Variants in FAH observed in about 807,000 individuals in gnomAD.
FAH encodes the protein fumarylacetoacetase.
A neutral mutation model predicts 55.8 loss-of-function variants in FAH; 47 were observed. That is an observed-to-expected ratio of 0.84 (90% CI 0.67 to 1.07). The LOEUF is 1.07. Among genes scored for constraint, FAH ranks in the 50% least tolerant of loss-of-function variants. The pLI is 0.00. For missense variants in FAH, 495 were observed against 545.9 expected (o/e 0.91, Z 0.93); for synonymous variants, 199 against 207.7 (o/e 0.96, Z 0.36).
In FAH at chr15:80,175,019, C is replaced by A. The variant is rs199820704; in HGVS notation, c.841C>A (p.Pro281Thr). Residue 281 changes from proline (P) to threonine (T), a missense_variant, in exon 10 of 14, where the codon CCC becomes ACC. Transcript: ENST00000561421. ...GTGCTGTGCTTTGCCCTCTCAGGACCCCAGGCCCCTGCCGTATCTGTGCCA... is the reference window on the plus strand; with the variant it reads ...GTGCTGTGCTTTGCCCTCTCAGGACACCAGGCCCCTGCCGTATCTGTGCCA... The part of the protein sequence containing the change: ...PFAVPNPKQD[P>T]RPLPYLCHDE... The A allele has an allele frequency of 9.3e-5, 150 of 1,613,976 alleles. 1 individual carries two copies. In the Middle Eastern group the frequency reaches 2.3e-3, roughly 25 times the overall value.
At chr15:80,159,520 C>A (rs1337192918) in intron 2 of FAH, among the ~76,000 whole-genome samples, 9 of 152,216 alleles carry the variant, frequency 5.9e-5, no homozygotes, top group Admixed American at 5.9e-4. Flanking sequence ...GGTAGCAACT[C>A]CTGGGCTTGG....
intron 5 of FAH, chr15:80,167,091 T>C (rs967396206): frequency 1.3e-5 from 2 of 152,156 alleles, no homozygotes; most frequent in Non-Finnish European, 2.9e-5. Flanking sequence ...TAGCCTTTGT[T>C]TGTACATTTA....
intron 10 of FAH, among the ~76,000 whole-genome samples, chr15:80,176,068 A>G (rs955221162): frequency 6.7e-6 from 1 of 149,098 alleles, no homozygotes; most frequent in African/African-American, 2.5e-5. Context: ...CCCAGGCTGG[A>G]GTGCAATGGT....
chr15:80,167,085 CTTTG>C (rs1022540117), intron 5 of FAH: 10 of 151,770 alleles, frequency 6.6e-5, no homozygotes, highest in African/African-American at 2.4e-4. Flanking sequence ...CTGTAATAGC[CTTTG>C]TTTGTACATT....
At chr15:80,152,818 G>T, upstream of FAH, 1 of 504,238 alleles carries the variant, frequency 2.0e-6, no homozygotes, top group Non-Finnish European at 3.5e-6. Context: ...GACTGTGGAG[G>T]ACCTGGAGCT....
At position 80,153,011 on chromosome 15, in the gene FAH, C is replaced by T; in HGVS notation, c.-44C>T. The T allele has an allele frequency of 1.3e-6, 2 of 1,570,300 alleles. No homozygotes were observed. The highest frequency in any genetic ancestry group is 2.2e-5 in the East Asian group (1 of 44,652). On this transcript the variant is annotated 5_prime_UTR_variant, in exon 1 of 14. Coordinates refer to ENST00000561421, the MANE Select transcript of FAH (RefSeq NM_000137.4). ...AGCGGCCGAGTTCAGTCCTGCTCTC[C>T]GCACGCCACCTTAGGCCCGCAGCCG... is the stretch of plus-strand genomic sequence containing the variant.
At position 80,159,820 on chromosome 15, in the gene FAH, A is replaced by C. The variant is rs1190502772; in HGVS notation, c.257A>C (p.Gln86Pro). Residue 86 changes from glutamine (Q) to proline (P), a missense_variant, in exon 3 of 14, where the codon CAG becomes CCG. By Grantham distance (76) the Gln-to-Pro change is moderately conservative. Transcript: ENST00000561421. ...TGGAAGGAGGCGAGAGTGTTCTTGC[A>C]GAACTTGCTGTCTGTGAGCCAAGCC... The part of the protein sequence containing the change: ...AAWKEARVFL[Q>P]NLLSVSQARL... The C allele has an allele frequency of 1.2e-6, 2 of 1,614,240 alleles. No homozygotes were observed. The highest frequency in any genetic ancestry group is 1.7e-5 in the Admixed American group (1 of 60,028).
chr15:80,177,596 G>A lies in FAH; in HGVS notation c.960+13G>A, dbSNP rs1359363488. ...GTCCAATTTTAAGGTAAGCTTTGAC[G>A]CTGATCAGACTGCTTTTTAGAATTG... On this transcript the variant is annotated intron_variant, in intron 11 of 13. Coordinates refer to ENST00000561421, the MANE Select transcript of FAH (RefSeq NM_000137.4). The A allele has an allele frequency of 5.0e-6, 8 of 1,610,974 alleles. No homozygotes were observed. Among genetic ancestry groups the A allele is most frequent in the Admixed American group, 1.7e-5 (1 of 60,024 alleles).
chr15:80,185,339 A>G (rs185555188), intron 13 of FAH, among the ~76,000 whole-genome samples: 80 of 152,302 alleles, frequency 5.3e-4, no homozygotes, highest in African/African-American at 1.9e-3. Context: ...GGTGGGCACT[A>G]TCATAAGATC....
intron 7 of FAH, 156 bp downstream of exon 7, chr15:80,168,472 T>C: frequency 1.4e-6 from 1 of 695,856 alleles, no homozygotes; most frequent in Admixed American, 2.4e-5. Flanking sequence ...AGAAGGACAG[T>C]TGATCCTTAT....
chr15:80,154,908 G>T (rs1484488771), intron 1 of FAH, among the ~76,000 whole-genome samples: 1 of 152,148 alleles, frequency 6.6e-6, no homozygotes, highest in Non-Finnish European at 1.5e-5. Context: ...GTGTGGAGCT[G>T]GTTTTGCCGG....
intron 2 of FAH, 72 bp from the exon 3 acceptor site, chr15:80,159,684 C>G: frequency 1.3e-6 from 2 of 1,596,332 alleles, no homozygotes; most frequent in South Asian, 1.1e-5. Flanking sequence ...GCTGGCTGGC[C>G]TTCCATTGGA....
At chr15:80,170,558 C>T (rs539877597) in intron 7 of FAH, among the ~76,000 whole-genome samples, 23 of 152,310 alleles carry the variant, frequency 1.5e-4, no homozygotes, top group African/African-American at 2.4e-4. Flanking sequence ...TGTGAGACTG[C>T]GGGAGGAGGA....
intron 13 of FAH, among the ~76,000 whole-genome samples, chr15:80,181,512 G>T (rs1271084937): frequency 6.6e-6 from 1 of 152,190 alleles, no homozygotes; most frequent in East Asian, 1.9e-4. Flanking sequence ...AGCTGAGTTA[G>T]TGACTGAGGC....
In FAH at chr15:80,168,391, G is replaced by A. The variant is rs377691367; in HGVS notation, c.606+75G>A. 23 of 1,470,660 alleles carry A rather than the reference G, an allele frequency of 1.6e-5. No individual in the cohort carries two copies. In the African/African-American group the frequency reaches 1.8e-4, roughly 12 times the overall value. 91.1% of individuals were successfully genotyped at this position (1,470,660 alleles called of 1,614,324 possible). A position where few individuals can be genotyped will look rare whatever the true frequency, so the allele number is the denominator to read the frequency against. On this transcript the variant is annotated intron_variant, in intron 7 of 13. Coordinates refer to ENST00000561421, the MANE Select transcript of FAH (RefSeq NM_000137.4). ...GGAGAGCCCTTTGGGATGGCTCCCC[G>A]CACCATGAGCCGCCCACTCCCCTCC...
intron 13 of FAH, among the ~76,000 whole-genome samples, chr15:80,182,834 G>A (rs2041342069): frequency 1.3e-5 from 2 of 152,184 alleles, no homozygotes; most frequent in South Asian, 2.1e-4. Context: ...CTTTGGTCAC[G>A]GTTCTGTGGA....
In FAH at chr15:80,180,224, C is replaced by T. The variant is rs143326948; in HGVS notation, c.1061C>T (p.Pro354Leu). Residue 354 changes from proline to leucine, a missense_variant and splice_region_variant, in exon 12 of 14, where the codon CCG (proline) becomes CTG (leucine). Physicochemically the swap from Pro to Leu is moderately conservative, Grantham distance 98 (BLOSUM62 -3). Transcript: ENST00000561421. ...DLLASGTISGPEPENFGSMLE... is the reference protein window; with the variant it reads ...DLLASGTISGLEPENFGSMLE... ...CTGGCTTCTGGGACCATCAGCGGGC[C>T]GGTGAGTATCTGGCTGCACTGAGGG... is the stretch of plus-strand genomic sequence containing the variant. The T allele has an allele frequency of 2.7e-5, 43 of 1,604,366 alleles. No individual in the cohort carries two copies. Among genetic ancestry groups the T allele is most frequent in the South Asian group, 7.7e-5 (7 of 91,060 alleles).
chr15:80,158,861 G>A lies in FAH; in HGVS notation c.192+691G>A, dbSNP rs190914349. 9.2e-5 allele frequency among the ~76,000 whole-genome samples: 14 copies of A among 152,284 alleles called. 1 individual carries two copies. In the South Asian group the frequency reaches 1.0e-3, roughly 11 times the overall value. On this transcript the variant is annotated intron_variant, in intron 2 of 13. Transcript: ENST00000561421. ...GTTTTCCCAAGCTGCACAGCTAGAA[G>A]TATCAGAGCTGGGACTGGAACTCTG...
At chr15:80,186,574 G>C (rs571417061), downstream of FAH, 5 of 332,066 alleles carry the variant, frequency 1.5e-5, no homozygotes, top group Non-Finnish European at 2.9e-5. Flanking sequence ...ATAGAACCAA[G>C]GAGAAAGAGA....
Sources: gnomAD v4.1 joint callset for allele counts (sites outside exome capture counted in the v4.1 genomes callset) on GRCh38, gnomAD v4.1.1 for gene constraint, MANE v1.5 for transcripts, NCBI Gene and HGNC (gene_info 2026-07-23, HGNC 2026-07-21) for gene names.